TMEM50B: variants seen among roughly 807,000 people sequenced by gnomAD.
The protein encoded by TMEM50B is transmembrane protein 50B.
TMEM50B carries 14 observed loss-of-function variants against 23.4 expected under a neutral mutation model. The ratio of observed to expected loss-of-function variants is 0.60; its 90% CI spans 0.39 to 0.93. The LOEUF is 0.93. Among genes scored for constraint, TMEM50B ranks in the 40% least tolerant of loss-of-function variants. The pLI, the probability that TMEM50B is intolerant of heterozygous loss-of-function variation, is 0.00. For missense variants in TMEM50B, 159 were observed against 193.0 expected, an observed-to-expected ratio of 0.82 and a Z score of 1.04; for synonymous variants, 64 against 62.3, an observed-to-expected ratio of 1.03 and a Z score of -0.13.
At chr21:33,445,636 A>T (rs547598059), downstream of TMEM50B, among the ~76,000 whole-genome samples, 2 of 152,342 alleles carry the variant, frequency 1.3e-5, no homozygotes, top group East Asian at 3.9e-4. Flanking sequence ...CTCTACTAAA[A>T]ATACAAAAAC....
intron 3 of TMEM50B, among the ~76,000 whole-genome samples, chr21:33,466,556 T>TA (rs1033021382): frequency 3.3e-5 from 5 of 152,022 alleles, no homozygotes; most frequent in Non-Finnish European, 4.4e-5. Context: ...GATTTACTAC[T>TA]AAAAAAATGC....
intron 4 of TMEM50B, among the ~76,000 whole-genome samples, chr21:33,463,150 G>A (rs2084232245): frequency 1.3e-5 from 2 of 152,302 alleles, no homozygotes; most frequent in Middle Eastern, 3.4e-3. Flanking sequence ...AAACTAGCCA[G>A]GCGTGGTGGC....
chr21:33,446,675 A>AAC (rs2084061587), downstream of TMEM50B, among the ~76,000 whole-genome samples: 2 of 148,892 alleles, frequency 1.3e-5, no homozygotes, highest in Non-Finnish European at 3.0e-5. Flanking sequence ...AAAAAAAAAA[A>AAC]AAACCTCTAA....
chr21:33,451,780 T>C (rs1267889535), intron 6 of TMEM50B, among the ~76,000 whole-genome samples: 1 of 152,032 alleles, frequency 6.6e-6, no homozygotes, highest in Admixed American at 6.6e-5. Context: ...ATAATTGGAG[T>C]CCTAAGTACA....
chr21:33,433,472 A>G (rs1289746823), intron 8 of TMEM50B, among the ~76,000 whole-genome samples: 1 of 152,220 alleles, frequency 6.6e-6, no homozygotes, highest in Non-Finnish European at 1.5e-5. Context: ...TACCACACAC[A>G]TGGACCTTGA....
intron 7 of TMEM50B, among the ~76,000 whole-genome samples, chr21:33,440,825 T>A (rs982201986): frequency 6.6e-6 from 1 of 151,840 alleles, no homozygotes; most frequent in Non-Finnish European, 1.5e-5. Flanking sequence ...GAGGTTGCAG[T>A]GAGCCAAGAT....
intron 8 of TMEM50B, among the ~76,000 whole-genome samples, chr21:33,438,144 C>A (rs994776445): frequency 6.6e-6 from 1 of 151,964 alleles, no homozygotes; most frequent in African/African-American, 2.4e-5. Flanking sequence ...ATTAGCTAGT[C>A]GTGGTGGTGC....
chr21:33,460,280 T>A (rs1051156321), intron 5 of TMEM50B, 133 bp downstream of exon 5: 1 of 679,454 alleles, frequency 1.5e-6, no homozygotes, highest in Admixed American at 2.5e-5. Context: ...ATTAAACTCA[T>A]GTATCTTCAC....
chr21:33,479,148 C>T (rs2084402625), intron 1 of TMEM50B: 2 of 205,524 alleles, frequency 9.7e-6, no homozygotes, highest in South Asian at 1.2e-4. Context: ...GTTTTAAGTA[C>T]CTTTAACCAG....
At chr21:33,439,889 T>TA (rs2083993353) in intron 7 of TMEM50B, among the ~76,000 whole-genome samples, 2 of 151,388 alleles carry the variant, frequency 1.3e-5, no homozygotes, top group South Asian at 4.2e-4. Context: ...CTATTAAAAA[T>TA]ACAAAAATTA....
Position 33,460,426 on chromosome 21 carries a change from T to A in TMEM50B, c.360A>T (p.Ala120=), listed in dbSNP as rs149634958. The A allele has an allele frequency of 6.2e-7, 1 of 1,603,504 alleles. No individual in the cohort carries two copies. ...ATATATACTTACTTTGGGTAACATA[T>A]GCACCAAAAAGAATCCACATGGAAG... The part of the protein sequence containing the change: ...LIASMWILFG[A]YVTQNTDVYP... The change falls in exon 5 of 7, where the codon GCA becomes GCT. Residue 120 remains alanine, a synonymous_variant. Coordinates refer to ENST00000542230, the MANE Select transcript of TMEM50B (RefSeq NM_006134.7).
downstream of TMEM50B, among the ~76,000 whole-genome samples, chr21:33,447,485 A>G (rs867952199): frequency 1.3e-5 from 2 of 152,240 alleles, no homozygotes; most frequent in South Asian, 4.1e-4. Flanking sequence ...AAGACTCCTG[A>G]GTTGATGTTG....
exon 9 of TMEM50B, chr21:33,432,568 G>T: frequency 1.1e-6 from 1 of 950,232 alleles, no homozygotes; most frequent in Non-Finnish European, 1.7e-6. Context: ...ATTAATGTAA[G>T]CATACCAGGT....
In TMEM50B at chr21:33,455,779, C is replaced by T; in HGVS notation, c.379G>A (p.Asp127Asn). Residue 127 changes from aspartate to asparagine, a missense_variant, in exon 6 of 7, where the codon GAT (aspartate) becomes AAT (asparagine). Coordinates refer to ENST00000542230, the MANE Select transcript of TMEM50B (RefSeq NM_006134.7). Reference sequence around the variant, plus strand: ...AACACAGCTAGTCCCGGATAAACATCAGTATCTACATACACAAAGTAAAAC... The same window carrying T: ...AACACAGCTAGTCCCGGATAAACATTAGTATCTACATACACAAAGTAAAAC... ...LFGAYVTQNT[D>N]VYPGLAVFFQ... 1 of 1,613,538 alleles carries T rather than the reference C, an allele frequency of 6.2e-7. No individual in the cohort carries two copies. Among genetic ancestry groups the T allele is most frequent in the Non-Finnish European group, 8.5e-7 (1 of 1,179,536 alleles).
At chr21:33,432,840 C>T in intron 8 of TMEM50B, 1 of 1,613,440 alleles carries the variant, frequency 6.2e-7, no homozygotes, top group Non-Finnish European at 8.5e-7. Flanking sequence ...TGGTTTCACA[C>T]TCCACCAAGC....
intron 7 of TMEM50B, among the ~76,000 whole-genome samples, chr21:33,442,916 G>C (rs2084020414): frequency 1.0e-5 from 1 of 99,116 alleles, no homozygotes; most frequent in South Asian, 3.4e-4. Context: ...GAGAGACTCT[G>C]TCTCAAAAAA....
chr21:33,443,553 A>AT (rs2123399116), intron 7 of TMEM50B, among the ~76,000 whole-genome samples: 1 of 152,308 alleles, frequency 6.6e-6, no homozygotes, highest in African/African-American at 2.4e-5. Flanking sequence ...ACCATTCCAA[A>AT]TATTAGAGAC....
chr21:33,469,557 C>T (rs2123451937), intron 1 of TMEM50B: 1 of 152,352 alleles, frequency 6.6e-6, no homozygotes, highest in South Asian at 2.1e-4. Flanking sequence ...ACAATAAAGA[C>T]TAGTAGACCA....
chr21:33,437,156 A>G, intron 8 of TMEM50B: 1 of 576,216 alleles, frequency 1.7e-6, no homozygotes, highest in South Asian at 2.1e-5. Flanking sequence ...GAATTTTCAA[A>G]ATCAAATTCC....
Sources: allele counts gnomAD v4.1 joint callset (sites outside exome capture counted in the v4.1 genomes callset), GRCh38; gene constraint gnomAD v4.1.1; transcripts MANE v1.5; gene names NCBI Gene and HGNC (gene_info 2026-07-23, HGNC 2026-07-21).